Variants in CHCHD6 observed in about 807,000 individuals in gnomAD.
CHCHD6 encodes the protein coiled-coil-helix-coiled-coil-helix domain containing 6, also known as MICOS complex subunit MIC25.
In CHCHD6, 28 loss-of-function variants were observed where a neutral mutation model predicts 32.3. The observed-to-expected ratio is 0.87, with a 90% confidence interval of 0.64 to 1.19. The LOEUF is 1.19. Ranked by LOEUF, CHCHD6 falls within the 50% of genes most tolerant of loss-of-function variation. The pLI is 0.00. For missense variants in CHCHD6, 333 were observed against 307.0 expected (o/e 1.08, Z -0.63); for synonymous variants, 122 against 117.5 (o/e 1.04, Z -0.25).
At chr3:126,830,753 G>A (rs150824173) in intron 4 of CHCHD6, among the ~76,000 whole-genome samples, 6 of 152,290 alleles carry the variant, frequency 3.9e-5, no homozygotes, top group African/African-American at 1.4e-4. Context: ...GGAAGAGGCA[G>A]TGCTGGATAT....
intron 6 of CHCHD6, chr3:126,949,967 T>C (rs975718169): frequency 2.0e-5 from 3 of 152,580 alleles, no homozygotes; most frequent in African/African-American, 4.8e-5. Flanking sequence ...ACAGATGTCT[T>C]GTCATAGAAG....
At chr3:126,781,245 A>G (rs1410708044) in intron 4 of CHCHD6, among the ~76,000 whole-genome samples, 1 of 152,176 alleles carries the variant, frequency 6.6e-6, no homozygotes, top group Non-Finnish European at 1.5e-5. Flanking sequence ...TGTCTACCCC[A>G]GGATCTTTAT....
At chr3:126,895,503 G>T (rs2077825619) in intron 5 of CHCHD6, among the ~76,000 whole-genome samples, 1 of 152,240 alleles carries the variant, frequency 6.6e-6, no homozygotes, top group Non-Finnish European at 1.5e-5. Context: ...GAGTTCACAA[G>T]ATACTTGGGT....
At chr3:126,955,902 T>C (rs2078777144) in intron 6 of CHCHD6, among the ~76,000 whole-genome samples, 1 of 152,110 alleles carries the variant, frequency 6.6e-6, no homozygotes, top group Non-Finnish European at 1.5e-5. Context: ...CTGCATACAG[T>C]GGCCTGGGGA....
At chr3:126,855,836 A>G (rs886331417) in intron 5 of CHCHD6, among the ~76,000 whole-genome samples, 1 of 152,214 alleles carries the variant, frequency 6.6e-6, no homozygotes, top group African/African-American at 2.4e-5. Flanking sequence ...CAAATGAGAC[A>G]TCGGGTTTTA....
At chr3:126,943,209 C>T (rs1488208190) in intron 6 of CHCHD6, among the ~76,000 whole-genome samples, 6 of 152,206 alleles carry the variant, frequency 3.9e-5, no homozygotes, top group Non-Finnish European at 7.4e-5. Flanking sequence ...TGACGCCCCC[C>T]ACTACCACCC....
rs1942197164 is a variant in CHCHD6, at chr3:126,864,853, T to TC, written c.495+12124dup. Among the ~76,000 whole-genome samples, 11 of 67,500 alleles carry TC rather than the reference T, an allele frequency of 1.6e-4. 1 individual carries two copies. Among genetic ancestry groups the TC allele is most frequent in the African/African-American group, 3.0e-4 (2 of 6,738 alleles). 44.3% of individuals were successfully genotyped at this position (67,500 alleles called of 152,430 possible). On this transcript the variant is annotated intron_variant, in intron 5 of 7. Coordinates refer to ENST00000290913, the MANE Select transcript of CHCHD6 (RefSeq NM_032343.3). Reference sequence around the variant, plus strand: ...CTCTTCCTCCTCCACCATCATCTCCTCTTCCTCCTCCACCATCATCTCCTC... The same window carrying TC: ...CTCTTCCTCCTCCACCATCATCTCCTCCTTCCTCCTCCACCATCATCTCCTC...
intron 5 of CHCHD6, among the ~76,000 whole-genome samples, chr3:126,897,242 C>T (rs1410016953): frequency 6.6e-6 from 1 of 152,226 alleles, no homozygotes; most frequent in Non-Finnish European, 1.5e-5. Context: ...GGCCGCATTT[C>T]AGGAACCATT....
At chr3:126,862,336 A>C (rs1576512562) in intron 5 of CHCHD6, among the ~76,000 whole-genome samples, 1 of 99,650 alleles carries the variant, frequency 1.0e-5, no homozygotes, top group African/African-American at 3.9e-5. Context: ...CTCCACCATC[A>C]CCTCCTCCTC....
chr3:126,736,770 ATCCTGTGAGAGG>A (rs1260555248), intron 4 of CHCHD6, among the ~76,000 whole-genome samples: 3 of 152,096 alleles, frequency 2.0e-5, no homozygotes, highest in African/African-American at 7.2e-5. Context: ...GTGTCACTGG[ATCCTGTGAGAGG>A]TGTTTCTCCC....
chr3:126,868,141 C>T (rs2107565637), intron 5 of CHCHD6, among the ~76,000 whole-genome samples: 1 of 152,358 alleles, frequency 6.6e-6, no homozygotes, highest in African/African-American at 2.4e-5. Context: ...AGGGCTGCCA[C>T]ATGTGGTGGC....
intron 4 of CHCHD6, among the ~76,000 whole-genome samples, chr3:126,757,376 A>AC (rs1241460871): frequency 6.6e-6 from 1 of 152,180 alleles, no homozygotes; most frequent in South Asian, 2.1e-4. Flanking sequence ...AAAGTCCTTA[A>AC]CAACACTAAA....
chr3:126,811,445 G>A (rs571169582), intron 4 of CHCHD6, among the ~76,000 whole-genome samples: 6 of 152,142 alleles, frequency 3.9e-5, no homozygotes, highest in African/African-American at 1.4e-4. Flanking sequence ...CAATTAATTA[G>A]TTATTTTTAA....
At chr3:126,819,027 G>C (rs79399882) in intron 4 of CHCHD6, among the ~76,000 whole-genome samples, 4,421 of 152,298 alleles carry the variant, frequency 0.029, 96 homozygotes, top group Non-Finnish European at 0.039. Flanking sequence ...GTATCTTATA[G>C]GGGCCTCCGC....
intron 4 of CHCHD6, among the ~76,000 whole-genome samples, chr3:126,824,669 C>T (rs1224336105): frequency 6.6e-6 from 1 of 151,632 alleles, no homozygotes. Context: ...TCACCATAAC[C>T]TCTGCCTTAC....
At chr3:126,849,801 G>A (rs1373826153) in intron 4 of CHCHD6, among the ~76,000 whole-genome samples, 2 of 152,170 alleles carry the variant, frequency 1.3e-5, no homozygotes, top group African/African-American at 2.4e-5. Context: ...TGGCTTCCCT[G>A]TTGTGCCCTC....
At chr3:126,917,588 A>G (rs558229461) in intron 6 of CHCHD6, among the ~76,000 whole-genome samples, 1 of 152,364 alleles carries the variant, frequency 6.6e-6, no homozygotes, top group East Asian at 1.9e-4. Context: ...CCACATAGAA[A>G]GTAGACCTAG....
At chr3:126,887,974 TC>T (rs2077701596) in intron 5 of CHCHD6, among the ~76,000 whole-genome samples, 2 of 152,186 alleles carry the variant, frequency 1.3e-5, no homozygotes, top group African/African-American at 2.4e-5. Flanking sequence ...AATATCCACT[TC>T]CTAGCCTCTC....
intron 4 of CHCHD6, among the ~76,000 whole-genome samples, chr3:126,757,424 A>C (rs1313866308): frequency 2.0e-5 from 3 of 152,154 alleles, no homozygotes; most frequent in Non-Finnish European, 4.4e-5. Context: ...GGGGCTCAAA[A>C]GGAAAAGGGA....
Sources: allele counts gnomAD v4.1 joint callset (sites outside exome capture counted in the v4.1 genomes callset), GRCh38; gene constraint gnomAD v4.1.1; transcripts MANE v1.5; gene names NCBI Gene and HGNC (gene_info 2026-07-23, HGNC 2026-07-21).